CTTNBP2: variants seen among roughly 807,000 people sequenced by gnomAD.
CTTNBP2 encodes cortactin-binding protein 2.
CTTNBP2 carries 108 observed loss-of-function variants against 156.9 expected under a neutral mutation model. The ratio of observed to expected loss-of-function variants is 0.69; its 90% CI spans 0.59 to 0.81. The LOEUF is 0.81. CTTNBP2 is among the 30% of genes least tolerant of loss of function. The probability of loss-of-function intolerance (pLI) is 0.00; values close to 1 mark genes in which losing one functional copy is unlikely to be tolerated. For missense variants in CTTNBP2, 1,924 were observed against 2,035.4 expected, an observed-to-expected ratio of 0.95 and a Z score of 1.05; for synonymous variants, 767 against 751.8, an observed-to-expected ratio of 1.02 and a Z score of -0.33.
chr7:117,817,241 G>A (rs1018945314), intron 2 of CTTNBP2, among the ~76,000 whole-genome samples: 1 of 149,566 alleles, frequency 6.7e-6, no homozygotes, highest in Non-Finnish European at 1.5e-5. Context: ...GGCTGAGGCA[G>A]GAGAATGGCG....
At chr7:117,866,333 T>C (rs1448389968) in intron 1 of CTTNBP2, among the ~76,000 whole-genome samples, 2 of 152,184 alleles carry the variant, frequency 1.3e-5, no homozygotes, top group Admixed American at 6.5e-5. Flanking sequence ...CCAACAGTGA[T>C]TGATTATCAG....
At chr7:117,808,533 TCTC>T (rs1319398813) in intron 3 of CTTNBP2, among the ~76,000 whole-genome samples, 2 of 152,314 alleles carry the variant, frequency 1.3e-5, no homozygotes, top group East Asian at 3.9e-4. Context: ...CAGACCCTGT[TCTC>T]CTGCCTTGAG....
chr7:117,773,356 T>C (rs1797896178), intron 8 of CTTNBP2, among the ~76,000 whole-genome samples: 1 of 152,136 alleles, frequency 6.6e-6, no homozygotes, highest in South Asian at 2.1e-4. Context: ...CTGACTCTCA[T>C]ATGACTAAAA....
intron 10 of CTTNBP2, among the ~76,000 whole-genome samples, chr7:117,759,736 G>A (rs2116644497): frequency 6.6e-6 from 1 of 152,262 alleles, no homozygotes; most frequent in South Asian, 2.1e-4. Context: ...GGAGTTATCT[G>A]TAAAATGACA....
rs561992668 is a variant in CTTNBP2, at chr7:117,760,354, A to G, written c.3172+81T>C. On this transcript the variant is annotated intron_variant, in intron 10 of 22. Transcript: ENST00000160373. ...AGCTTTGAATGTGCTTAATCAATGA[A>G]CTAAGAATCAGGTTATGAAACCCAC... 29 of 1,386,252 alleles carry G rather than the reference A, an allele frequency of 2.1e-5. No individual in the cohort carries two copies. In the South Asian group the frequency reaches 3.8e-4, roughly 18 times the overall value. 85.9% of individuals were successfully genotyped at this position (1,386,252 alleles called of 1,614,324 possible). A position where few individuals can be genotyped will look rare whatever the true frequency, so the allele number is the denominator to read the frequency against.
intron 17 of CTTNBP2, among the ~76,000 whole-genome samples, chr7:117,727,423 G>A (rs1437094129): frequency 6.6e-6 from 1 of 151,920 alleles, no homozygotes. Context: ...TTTAACTCCT[G>A]GCCTCAAGTG....
intron 8 of CTTNBP2, among the ~76,000 whole-genome samples, chr7:117,775,242 T>TA (rs1489404171): frequency 6.6e-6 from 1 of 152,098 alleles, no homozygotes; most frequent in Non-Finnish European, 1.5e-5. Flanking sequence ...CATGCCCACT[T>TA]AAAAAAATCT....
chr7:117,814,276 G>GA (rs1800450168), intron 2 of CTTNBP2, among the ~76,000 whole-genome samples: 1 of 150,008 alleles, frequency 6.7e-6, no homozygotes, highest in African/African-American at 2.5e-5. Context: ...GTGTGAAATA[G>GA]TTTTTTACAT....
At chr7:117,756,740 T>C (rs961016805) in intron 11 of CTTNBP2, 106 bp from the exon 12 acceptor site, 14 of 815,130 alleles carry the variant, frequency 1.7e-5, no homozygotes, top group Non-Finnish European at 2.6e-5. Flanking sequence ...TGTTGACTTA[T>C]GTAGGCAGAG....
intron 8 of CTTNBP2, among the ~76,000 whole-genome samples, chr7:117,777,052 A>C (rs1798143645): frequency 1.3e-5 from 2 of 152,234 alleles, no homozygotes; most frequent in African/African-American, 2.4e-5. Flanking sequence ...CTATCTAAGC[A>C]TCTAGAGCTC....
chr7:117,809,585 C>T lies in CTTNBP2; in HGVS notation c.414+1180G>A, dbSNP rs1239202564. Among the ~76,000 whole-genome samples, 3 of 152,212 alleles carry T rather than the reference C, an allele frequency of 2.0e-5. No individual in the cohort carries two copies. The East Asian group carries it at 5.8e-4, about 29-fold the overall frequency. On this transcript the variant is annotated intron_variant, in intron 3 of 22. Coordinates refer to ENST00000160373, the MANE Select transcript of CTTNBP2 (RefSeq NM_033427.3). ...AGTCCAGAGTAAAATTCTGATTTTG[C>T]CTTACATCTATGGAAAGCCTTCTAT... is the stretch of plus-strand genomic sequence containing the variant.
chr7:117,784,585 A>G (rs1026380051), intron 4 of CTTNBP2, 131 bp from the exon 5 acceptor site: 1 of 565,780 alleles, frequency 1.8e-6, no homozygotes, highest in Non-Finnish European at 2.9e-6. Flanking sequence ...GGTTTCTAAC[A>G]TTATCAATCT....
At chr7:117,763,479 T>C (rs554235355) in intron 9 of CTTNBP2, among the ~76,000 whole-genome samples, 1 of 152,236 alleles carries the variant, frequency 6.6e-6, no homozygotes, top group South Asian at 2.1e-4. Flanking sequence ...TGTGATACTA[T>C]TAAATTAATT....
At chr7:117,754,351 T>C (rs1343760874) in intron 12 of CTTNBP2, among the ~76,000 whole-genome samples, 3 of 152,240 alleles carry the variant, frequency 2.0e-5, no homozygotes, top group Non-Finnish European at 4.4e-5. Context: ...GTGTTGGTGC[T>C]GGTCATCACA....
chr7:117,868,105 C>CT (rs1479498864), intron 1 of CTTNBP2, among the ~76,000 whole-genome samples: 1 of 152,200 alleles, frequency 6.6e-6, no homozygotes, highest in African/African-American at 2.4e-5. Flanking sequence ...ATAAAACAAA[C>CT]ATCTATTTTC....
chr7:117,719,391 T>G (rs1359933195), intron 21 of CTTNBP2, 113 bp downstream of exon 21: 1 of 991,594 alleles, frequency 1.0e-6, no homozygotes, highest in Non-Finnish European at 1.5e-6. Flanking sequence ...TGGTTTGATT[T>G]GGATCATTAA....
rs764773723 is a variant in CTTNBP2 at position 117,745,832 on chromosome 7, G to A, written c.3534C>T (p.Ser1178=). Residue 1178 remains serine, a splice_region_variant and synonymous_variant, in exon 14 of 23, where the codon AGC becomes AGT. Transcript: ENST00000160373. The part of the protein sequence containing the change: ...KEQLLDLFIS[S]ACLIPVKQSP... ...GGCAATTTGCTGAAATGTTCTTACC[G>A]CTACTAATGAACAGGTCTAGTAGCT... The A allele has an allele frequency of 1.3e-5, 21 of 1,607,580 alleles. No individual in the cohort carries two copies. The highest frequency in any genetic ancestry group is 1.6e-4 in the Middle Eastern group (1 of 6,072).
chr7:117,749,678 C>T (rs1268614194), intron 12 of CTTNBP2, among the ~76,000 whole-genome samples: 1 of 151,950 alleles, frequency 6.6e-6, no homozygotes, highest in Non-Finnish European at 1.5e-5. Context: ...GGATAAATGC[C>T]CAATTTTCTA....
In CTTNBP2 at chr7:117,791,301, G is replaced by GC; in HGVS notation, c.1894dup (p.Ala632GlyfsTer41). Reference sequence around the variant, plus strand: ...AGGCCAGGCACCCACCTGAGACGTGGCCAGGGCTGAAACGGCACAGCCTGC... The same window carrying GC: ...AGGCCAGGCACCCACCTGAGACGTGGCCCAGGGCTGAAACGGCACAGCCTGC... On this transcript the variant is annotated frameshift_variant, in exon 4 of 23. Transcript: ENST00000160373. LOFTEE classifies it high-confidence loss of function. 6.2e-7 allele frequency: 1 copy of GC among 1,614,172 alleles called. No individual in the cohort carries two copies. Among genetic ancestry groups the GC allele is most frequent in the Non-Finnish European group, 8.5e-7 (1 of 1,180,022 alleles).
Sources: gnomAD v4.1 joint callset for allele counts (sites outside exome capture counted in the v4.1 genomes callset) on GRCh38, gnomAD v4.1.1 for gene constraint, MANE v1.5 for transcripts, NCBI Gene and HGNC (gene_info 2026-07-23, HGNC 2026-07-21) for gene names.